The following MARCHF1 variants were observed in gnomAD, a reference collection of about 807,000 sequenced individuals.
MARCHF1 encodes membrane associated ring-CH-type finger 1, also known as E3 ubiquitin-protein ligase MARCHF1.
Under a neutral mutation model 54.2 loss-of-function variants are expected in MARCHF1, and 40 were observed. That is an observed-to-expected ratio of 0.74 (90% CI 0.57 to 0.96). The LOEUF (loss-of-function observed/expected upper bound fraction) is 0.96. MARCHF1 is among the 40% of genes least tolerant of loss of function. MARCHF1 has a pLI of 0.00. For missense variants in MARCHF1, 586 were observed against 656.5 expected, an observed-to-expected ratio of 0.89 and a Z score of 1.17; for synonymous variants, 236 against 236.3, an observed-to-expected ratio of 1.00 and a Z score of 0.01.
chr4:164,291,535 G>A (rs1051716877), intron 1 of MARCHF1, among the ~76,000 whole-genome samples: 32 of 152,050 alleles, frequency 2.1e-4, no homozygotes, highest in Non-Finnish European at 2.2e-4. Flanking sequence ...TCTGAGAAAT[G>A]TGCCATTTGA....
intron 5 of MARCHF1, among the ~76,000 whole-genome samples, chr4:163,673,189 T>G (rs951564603): frequency 2.6e-5 from 4 of 152,210 alleles, no homozygotes; most frequent in African/African-American, 9.6e-5. Context: ...ACTCCATTAT[T>G]TCTAGGAATA....
At chr4:164,126,623 G>C (rs1429405577) in intron 1 of MARCHF1, among the ~76,000 whole-genome samples, 1 of 152,194 alleles carries the variant, frequency 6.6e-6, no homozygotes, top group Non-Finnish European at 1.5e-5. Context: ...GCTCTGAATA[G>C]ATTAAGGGTG....
At chr4:163,775,548 C>T (rs1397694059) in intron 4 of MARCHF1, among the ~76,000 whole-genome samples, 3 of 152,048 alleles carry the variant, frequency 2.0e-5, no homozygotes, top group Non-Finnish European at 4.4e-5. Flanking sequence ...GGTCCTGATA[C>T]TCTCAAATTC....
chr4:164,190,334 T>C (rs1731091804), intron 1 of MARCHF1: 2 of 665,130 alleles, frequency 3.0e-6, no homozygotes, highest in East Asian at 2.6e-5. Flanking sequence ...AGATGAGTTG[T>C]AGACACAGAT....
chr4:163,645,050 C>A (rs1742701607), intron 5 of MARCHF1, among the ~76,000 whole-genome samples: 1 of 152,112 alleles, frequency 6.6e-6, no homozygotes, highest in Non-Finnish European at 1.5e-5. Context: ...AGGGACCCAC[C>A]CAGTGACATA....
intron 1 of MARCHF1, among the ~76,000 whole-genome samples, chr4:164,310,017 A>C (rs1341839880): frequency 6.6e-6 from 1 of 151,990 alleles, no homozygotes; most frequent in African/African-American, 2.4e-5. Flanking sequence ...CTGTAGGTAC[A>C]TAGAAAGTGT....
intron 5 of MARCHF1, among the ~76,000 whole-genome samples, chr4:163,614,304 C>T (rs182075558): frequency 8.3e-4 from 126 of 152,088 alleles, no homozygotes; most frequent in African/African-American, 2.8e-3. Context: ...TTAATGCTCA[C>T]AATAAATCTT....
chr4:163,922,496 G>A (rs943504437), intron 3 of MARCHF1, among the ~76,000 whole-genome samples: 6 of 152,136 alleles, frequency 3.9e-5, no homozygotes, highest in Admixed American at 3.9e-4. Flanking sequence ...AAATATCTCT[G>A]GCAGTCAGGC....
chr4:164,313,494 A>G (rs1734921145), intron 1 of MARCHF1, among the ~76,000 whole-genome samples: 7 of 152,150 alleles, frequency 4.6e-5, no homozygotes, highest in Admixed American at 4.6e-4. Flanking sequence ...CTGCAGGGTA[A>G]AGATACACTG....
intron 3 of MARCHF1, among the ~76,000 whole-genome samples, chr4:163,935,536 C>A (rs1751774246): frequency 6.6e-6 from 1 of 152,088 alleles, no homozygotes. Context: ...AGATTCTATC[C>A]TTTCTTCTGC....
intron 4 of MARCHF1, among the ~76,000 whole-genome samples, chr4:163,845,873 T>G (rs1220707491): frequency 6.6e-6 from 1 of 152,208 alleles, no homozygotes; most frequent in Non-Finnish European, 1.5e-5. Context: ...GCTAATGTAA[T>G]TTTTTCCTCA....
At chr4:163,632,813 G>T (rs1742154094) in intron 5 of MARCHF1, among the ~76,000 whole-genome samples, 1 of 152,256 alleles carries the variant, frequency 6.6e-6, no homozygotes, top group Admixed American at 6.5e-5. Flanking sequence ...CAAACAAAAA[G>T]ACAGCAGTAA....
intron 2 of MARCHF1, among the ~76,000 whole-genome samples, chr4:164,012,819 C>T (rs1753452482): frequency 1.3e-5 from 2 of 152,096 alleles, no homozygotes; most frequent in Non-Finnish European, 2.9e-5. Flanking sequence ...TTGCACCATT[C>T]CTGAGCTTAT....
chr4:163,577,989 T>C (rs992407301), intron 8 of MARCHF1, among the ~76,000 whole-genome samples: 2 of 151,996 alleles, frequency 1.3e-5, no homozygotes, highest in African/African-American at 4.8e-5. Flanking sequence ...AACTCAATCA[T>C]AAGATGATGC....
intron 2 of MARCHF1, among the ~76,000 whole-genome samples, chr4:164,092,530 T>C (rs183815476): frequency 7.1e-4 from 108 of 152,244 alleles, no homozygotes; most frequent in Admixed American, 4.0e-3. Context: ...CTATTCTATA[T>C]CCAGAATACT....
intron 5 of MARCHF1, among the ~76,000 whole-genome samples, chr4:163,614,242 T>C (rs1026925204): frequency 3.3e-5 from 5 of 152,148 alleles, no homozygotes; most frequent in African/African-American, 1.2e-4. Flanking sequence ...ACTAACAGTT[T>C]TGAGTGAATA....
chr4:163,863,963 T>C (rs1007219464), intron 3 of MARCHF1, among the ~76,000 whole-genome samples: 1 of 151,914 alleles, frequency 6.6e-6, no homozygotes, highest in Non-Finnish European at 1.5e-5. Context: ...CAAAATAAAG[T>C]AGTAACAGAT....
chr4:164,183,873 C>T (rs369899278), intron 1 of MARCHF1, among the ~76,000 whole-genome samples: 24 of 152,242 alleles, frequency 1.6e-4, no homozygotes, highest in African/African-American at 5.8e-4. Flanking sequence ...AGAAAATAAT[C>T]ATCATGGGAA....
At chr4:163,680,188 C>G (rs1447633461) in intron 5 of MARCHF1, among the ~76,000 whole-genome samples, 1 of 152,092 alleles carries the variant, frequency 6.6e-6, no homozygotes, top group African/African-American at 2.4e-5. Flanking sequence ...CAGATGCAAC[C>G]GTTTGATCCA....
Sources: gnomAD v4.1 joint callset for allele counts (sites outside exome capture counted in the v4.1 genomes callset) on GRCh38, gnomAD v4.1.1 for gene constraint, MANE v1.5 for transcripts, NCBI Gene and HGNC (gene_info 2026-07-23, HGNC 2026-07-21) for gene names.